CNNM2: variants seen among roughly 807,000 people sequenced by gnomAD.
CNNM2 encodes metal transporter CNNM2.
A neutral mutation model predicts 66.9 loss-of-function variants in CNNM2; 12 were observed. The ratio of observed to expected loss-of-function variants is 0.18; its 90% CI spans 0.11 to 0.29. CNNM2 has a LOEUF of 0.29. CNNM2 is among the 10% of genes least tolerant of loss of function. The pLI is 1.00. For missense variants in CNNM2, 705 were observed against 1,167.7 expected, an observed-to-expected ratio of 0.60 and a Z score of 5.77; for synonymous variants, 557 against 501.8, an observed-to-expected ratio of 1.11 and a Z score of -1.47.
chr10:102,949,252 C>T (rs1170877583), intron 1 of CNNM2, among the ~76,000 whole-genome samples: 1 of 151,934 alleles, frequency 6.6e-6, no homozygotes, highest in African/African-American at 2.4e-5. Flanking sequence ...CTCGGCTCAC[C>T]GCAACCTCCG....
rs117492283 is a variant in CNNM2 at position 102,920,383 on chromosome 10, T to A, written c.1621+282T>A. Among the ~76,000 whole-genome samples the A allele has an allele frequency of 1.2e-3, 187 of 152,250 alleles. 2 individuals carry two copies. The East Asian group carries it at 0.014, about 12-fold the overall frequency. On this transcript the variant is annotated intron_variant, in intron 1 of 7. Coordinates refer to ENST00000369878, the MANE Select transcript of CNNM2 (RefSeq NM_017649.5). Reference sequence around the variant, plus strand: ...TGTGCATGACACTTATTTATTTTTTTTTTTTTGGTCCCGTGTGTGGGCCTC... The same window carrying A: ...TGTGCATGACACTTATTTATTTTTTATTTTTTGGTCCCGTGTGTGGGCCTC...
In CNNM2 at chr10:103,078,376, T is replaced by C. The variant is rs888986227; in HGVS notation, c.*1196T>C. ...CCCATGGGGCCCGGCAGTGGCTGTG[T>C]CCCCTGCCTGAGGGCTCTGTGCCTC... On this transcript the variant is annotated 3_prime_UTR_variant, in exon 8 of 8. Coordinates refer to ENST00000369878, the MANE Select transcript of CNNM2 (RefSeq NM_017649.5). The C allele has an allele frequency of 6.6e-6, 1 of 152,260 alleles. No individual in the cohort carries two copies. The highest frequency in any genetic ancestry group is 1.5e-5 in the Non-Finnish European group (1 of 68,046). 9.4% of individuals were successfully genotyped at this position (152,260 alleles called of 1,614,324 possible).
intron 1 of CNNM2, among the ~76,000 whole-genome samples, chr10:103,002,765 C>T (rs2064146986): frequency 6.6e-6 from 1 of 152,108 alleles, no homozygotes; most frequent in Non-Finnish European, 1.5e-5. Flanking sequence ...AGGCGTGAGC[C>T]ACTGCGCCTG....
At position 102,918,466 on chromosome 10, in the gene CNNM2, T is replaced by C; in HGVS notation, c.-15T>C. 1 of 1,601,426 alleles carries C rather than the reference T, an allele frequency of 6.2e-7. No homozygotes were observed. ...CGGGTTGAAAGGATGAAGCCGCAGC[T>C]GGAGCAGCCACCCTATGATTGGCTG... On this transcript the variant is annotated 5_prime_UTR_variant, in exon 1 of 8. Coordinates refer to ENST00000369878, the MANE Select transcript of CNNM2 (RefSeq NM_017649.5). The surrounding 1 kb of genome is among the most constrained non-coding windows in gnomAD (Gnocchi z 4.1).
At chr10:103,013,661 T>C (rs1373769492) in intron 1 of CNNM2, among the ~76,000 whole-genome samples, 17 of 152,108 alleles carry the variant, frequency 1.1e-4, no homozygotes, top group Non-Finnish European at 1.0e-4. Flanking sequence ...GAACAACCTA[T>C]TAGGGAAAGT....
At chr10:102,950,200 G>T (rs1019123449) in intron 1 of CNNM2, among the ~76,000 whole-genome samples, 6 of 152,114 alleles carry the variant, frequency 3.9e-5, no homozygotes, top group Non-Finnish European at 8.8e-5. Context: ...CATAGGCGTT[G>T]TCAGGCAAAA....
At chr10:103,019,684 A>G (rs1228798945) in intron 1 of CNNM2, among the ~76,000 whole-genome samples, 1 of 152,200 alleles carries the variant, frequency 6.6e-6, no homozygotes, top group Non-Finnish European at 1.5e-5. Context: ...TAGTTTTACC[A>G]GGAGCAACTA....
intron 1 of CNNM2, among the ~76,000 whole-genome samples, chr10:102,991,703 C>A (rs2063900989): frequency 6.6e-6 from 1 of 152,142 alleles, no homozygotes; most frequent in Non-Finnish European, 1.5e-5. Flanking sequence ...GTTATATTAT[C>A]ATTTGTACTG....
At chr10:103,032,912 G>A (rs1332966659) in intron 1 of CNNM2, among the ~76,000 whole-genome samples, 3 of 151,666 alleles carry the variant, frequency 2.0e-5, no homozygotes, top group African/African-American at 7.3e-5. Context: ...GAGCTTAAGA[G>A]TTTGAGACCA....
At chr10:103,063,459 A>G (rs986415688) in intron 4 of CNNM2, among the ~76,000 whole-genome samples, 2 of 152,200 alleles carry the variant, frequency 1.3e-5, no homozygotes, top group Non-Finnish European at 2.9e-5. Flanking sequence ...TCCCGCCTTG[A>G]GCCGCATGCA....
At chr10:103,065,369 G>A (rs910621263) in intron 4 of CNNM2, among the ~76,000 whole-genome samples, 2 of 152,168 alleles carry the variant, frequency 1.3e-5, no homozygotes, top group African/African-American at 4.8e-5. Flanking sequence ...AGCCAGAGTC[G>A]GTAATCTGGG....
intron 1 of CNNM2, among the ~76,000 whole-genome samples, chr10:103,000,831 G>T (rs535953317): frequency 3.3e-5 from 5 of 152,266 alleles, no homozygotes; most frequent in Non-Finnish European, 5.9e-5. Context: ...TGCCCTCCTT[G>T]GCTTCCCAGA....
At chr10:103,032,751 G>C (rs1475539744) in intron 1 of CNNM2, among the ~76,000 whole-genome samples, 2 of 148,784 alleles carry the variant, frequency 1.3e-5, no homozygotes, top group African/African-American at 5.0e-5. Flanking sequence ...TAGCATTCTA[G>C]TGTGGATATT....
chr10:103,045,904 C>G (rs1045413454), intron 1 of CNNM2, among the ~76,000 whole-genome samples: 4 of 152,210 alleles, frequency 2.6e-5, no homozygotes, highest in African/African-American at 9.6e-5. Flanking sequence ...CTTGGCCTCC[C>G]AAGATGCTGG....
At chr10:102,990,061 C>T (rs1464561047) in intron 1 of CNNM2, among the ~76,000 whole-genome samples, 1 of 151,828 alleles carries the variant, frequency 6.6e-6, no homozygotes, top group African/African-American at 2.4e-5. Context: ...TCTCATGCCT[C>T]AGCCTCCCAA....
intron 1 of CNNM2, among the ~76,000 whole-genome samples, chr10:102,968,035 C>G (rs1294516856): frequency 6.6e-6 from 1 of 152,082 alleles, no homozygotes; most frequent in Non-Finnish European, 1.5e-5. Context: ...TGGGCACTTG[C>G]ATGAAGTCTT....
intron 4 of CNNM2, among the ~76,000 whole-genome samples, chr10:103,067,750 G>A (rs2065505241): frequency 6.6e-6 from 1 of 152,102 alleles, no homozygotes; most frequent in African/African-American, 2.4e-5. Flanking sequence ...AACTCATCAA[G>A]GTAAAGAAGA....
At position 102,939,344 on chromosome 10, in the gene CNNM2, C is replaced by T. The variant is rs139193935; in HGVS notation, c.1621+19243C>T. Among the ~76,000 whole-genome samples, 12 of 152,306 alleles carry T rather than the reference C, an allele frequency of 7.9e-5. No homozygotes were observed. The East Asian group carries it at 2.3e-3, about 29-fold the overall frequency. On this transcript the variant is annotated intron_variant, in intron 1 of 7. Transcript: ENST00000369878. ...AGATTTCTTCAAGAATAGCTAGTTA[C>T]TTCCTTTTCCTTGCCATCTTTAATC... is the stretch of plus-strand genomic sequence containing the variant.
chr10:103,023,479 C>T (rs185028504), intron 1 of CNNM2, among the ~76,000 whole-genome samples: 125 of 152,198 alleles, frequency 8.2e-4, no homozygotes, highest in African/African-American at 2.5e-3. Context: ...ACCTGGGAGG[C>T]GGAGATTTTG....
Sources: allele counts gnomAD v4.1 joint callset (sites outside exome capture counted in the v4.1 genomes callset), GRCh38; gene constraint gnomAD v4.1.1; non-coding constraint Gnocchi (gnomAD v3.1); transcripts MANE v1.5; gene names NCBI Gene and HGNC (gene_info 2026-07-23, HGNC 2026-07-21).